CPNE4: variants seen among roughly 807,000 people sequenced by gnomAD.
CPNE4 encodes copine 4.
CPNE4 carries 25 observed loss-of-function variants against 67.9 expected under a neutral mutation model. The ratio of observed to expected loss-of-function variants is 0.37; its 90% CI spans 0.27 to 0.51. The LOEUF (loss-of-function observed/expected upper bound fraction) is 0.51, where lower values mean the gene tolerates loss of function less well. Among genes scored for constraint, CPNE4 ranks in the 20% least tolerant of loss-of-function variants. The pLI is 0.93. For synonymous variants in CPNE4, 242 were observed against 244.9 expected, an observed-to-expected ratio of 0.99 and a Z score of 0.11; for missense variants, 464 against 690.8, an observed-to-expected ratio of 0.67 and a Z score of 3.68.
chr3:131,537,087 C>T (rs1935189866), intron 15 of CPNE4, among the ~76,000 whole-genome samples: 2 of 151,924 alleles, frequency 1.3e-5, no homozygotes, highest in African/African-American at 2.4e-5. Context: ...CAGGGCTACA[C>T]ATGCAAAAAA....
chr3:131,715,783 T>C (rs2081669171), intron 3 of CPNE4, among the ~76,000 whole-genome samples: 2 of 152,152 alleles, frequency 1.3e-5, no homozygotes, highest in African/African-American at 4.8e-5. Context: ...AAAGAGAAAA[T>C]AAATGCATCA....
rs72370844 is a variant in CPNE4, at chr3:131,862,699, T to TTATA, written c.180+42561_180+42564dup. 6.9e-3 allele frequency among the ~76,000 whole-genome samples: 962 copies of TTATA among 138,436 alleles called. 4 individuals are homozygous for TTATA. Among genetic ancestry groups the TTATA allele is most frequent in the Middle Eastern group, 0.015 (4 of 260 alleles). The allele number at this position is 138,436 out of a possible 152,430, so 90.8% of individuals were successfully genotyped here. A position where few individuals can be genotyped will look rare whatever the true frequency, so the allele number is the denominator to read the frequency against. ...AGTCATGGCATTTTCTTTTAAGTTC[T>TTATA]TATATATATATATATATTTTTATTA... is the stretch of plus-strand genomic sequence containing the variant. On this transcript the variant is annotated intron_variant, in intron 2 of 15. Transcript: ENST00000429747.
intron 1 of CPNE4, among the ~76,000 whole-genome samples, chr3:131,949,506 A>G (rs1356441321): frequency 6.6e-6 from 1 of 152,242 alleles, no homozygotes; most frequent in Non-Finnish European, 1.5e-5. Context: ...GTATTTATCA[A>G]TAGCTAAGAT....
At chr3:132,037,277 A>C (rs996496430), upstream of CPNE4, among the ~76,000 whole-genome samples, 3 of 79,108 alleles carry the variant, frequency 3.8e-5, no homozygotes, top group Non-Finnish European at 7.6e-5. Context: ...AGTTGCCTGC[A>C]TGCCAGTGCG....
intron 11 of CPNE4, among the ~76,000 whole-genome samples, chr3:131,559,785 C>T (rs1936661335): frequency 6.6e-6 from 1 of 151,934 alleles, no homozygotes; most frequent in Admixed American, 6.6e-5. Flanking sequence ...AGAGCTTGCT[C>T]ATTTTTTACA....
intron 3 of CPNE4, among the ~76,000 whole-genome samples, chr3:131,705,230 C>T (rs1368715634): frequency 1.3e-5 from 2 of 152,132 alleles, no homozygotes; most frequent in African/African-American, 2.4e-5. Context: ...ATCCTTGCTA[C>T]TCACATTGTA....
At chr3:131,651,874 C>G (rs2079823198) in intron 7 of CPNE4, among the ~76,000 whole-genome samples, 1 of 152,088 alleles carries the variant, frequency 6.6e-6, no homozygotes, top group Non-Finnish European at 1.5e-5. Flanking sequence ...CTCTGGTTCT[C>G]AGTTTTTTTC....
At chr3:131,908,101 G>C (rs1259622145) in intron 1 of CPNE4, among the ~76,000 whole-genome samples, 1 of 152,118 alleles carries the variant, frequency 6.6e-6, no homozygotes, top group Non-Finnish European at 1.5e-5. Context: ...AAAACCTTTA[G>C]CTGGAGAACT....
intron 15 of CPNE4, chr3:131,537,686 G>A: frequency 4.5e-6 from 1 of 223,160 alleles, no homozygotes; most frequent in Non-Finnish European, 9.1e-6. Flanking sequence ...TCTGGACACA[G>A]TTGGCCCTAT....
At chr3:131,651,881 T>A (rs948405743) in intron 7 of CPNE4, among the ~76,000 whole-genome samples, 5 of 152,188 alleles carry the variant, frequency 3.3e-5, no homozygotes, top group African/African-American at 1.2e-4. Flanking sequence ...TCTCAGTTTT[T>A]TTCACTGGGA....
intron 1 of CPNE4, among the ~76,000 whole-genome samples, chr3:131,959,974 G>A (rs1230393355): frequency 1.3e-5 from 2 of 152,100 alleles, no homozygotes; most frequent in East Asian, 3.8e-4. Context: ...ATACTTCTAG[G>A]TGTTTCTAAA....
At chr3:131,801,414 A>ATGTGTG (rs1560344419) in intron 2 of CPNE4, among the ~76,000 whole-genome samples, 1 of 20,008 alleles carries the variant, frequency 5.0e-5, no homozygotes, top group African/African-American at 1.4e-4. Flanking sequence ...GTACATATAT[A>ATGTGTG]CGTGTGTGTG....
At chr3:131,669,562 G>C in intron 7 of CPNE4, 113 bp downstream of exon 7, 1 of 737,020 alleles carries the variant, frequency 1.4e-6, no homozygotes, top group Non-Finnish European at 2.3e-6. Context: ...AAGATGAGAG[G>C]GTTGGGTACA....
chr3:131,742,726 T>C (rs2082388244), intron 2 of CPNE4, among the ~76,000 whole-genome samples: 1 of 152,032 alleles, frequency 6.6e-6, no homozygotes. Flanking sequence ...TGACCAAAAA[T>C]CCTGTTTACT....
At position 131,613,257 on chromosome 3, in the gene CPNE4, T is replaced by G. The variant is rs559870791; in HGVS notation, c.682-25675A>C. On this transcript the variant is annotated intron_variant, in intron 7 of 15. Coordinates refer to ENST00000429747, the MANE Select transcript of CPNE4 (RefSeq NM_130808.3). ...CTCCTACTGACAACCTTAGTGAGCC[T>G]AAGTGAGATTACCATCTCATCTCTG... Among the ~76,000 whole-genome samples, 46 of 152,328 alleles carry G rather than the reference T, an allele frequency of 3.0e-4. 1 individual carries two copies. In the South Asian group the frequency reaches 9.5e-3, roughly 32 times the overall value.
chr3:131,659,542 GCATT>G lies in CPNE4; in HGVS notation c.681+10129_681+10132del, dbSNP rs201614878. Among the ~76,000 whole-genome samples, 42 of 152,282 alleles carry G rather than the reference GCATT, an allele frequency of 2.8e-4. No individual in the cohort carries two copies. The East Asian group carries it at 7.9e-3, about 29-fold the overall frequency. On this transcript the variant is annotated intron_variant, in intron 7 of 15. Coordinates refer to ENST00000429747, the MANE Select transcript of CPNE4 (RefSeq NM_130808.3). ...AGAGACCTCATCAGGGCACTGAATA[GCATT>G]CATCTGATACTTTTAGTTTTAGACT... is the stretch of plus-strand genomic sequence containing the variant.
chr3:131,996,655 G>A (rs1243489709), intron 1 of CPNE4, among the ~76,000 whole-genome samples: 1 of 151,840 alleles, frequency 6.6e-6, no homozygotes, highest in Admixed American at 6.6e-5. Context: ...GATGTGATTG[G>A]ATCAGATTCT....
intron 7 of CPNE4, among the ~76,000 whole-genome samples, chr3:131,656,053 CT>C (rs11360041): frequency 0.21 from 28,184 of 131,426 alleles, 2,242 homozygotes; most frequent in Middle Eastern, 0.28. Context: ...AATACTGTTT[CT>C]TTTTTTTTTT....
intron 7 of CPNE4, among the ~76,000 whole-genome samples, chr3:131,655,942 AT>A: frequency 6.6e-6 from 1 of 152,296 alleles, no homozygotes; most frequent in African/African-American, 2.4e-5. Context: ...AGGACCTGAC[AT>A]TTAGAAAATC....
Sources: gnomAD v4.1 joint callset for allele counts (sites outside exome capture counted in the v4.1 genomes callset) on GRCh38, gnomAD v4.1.1 for gene constraint, MANE v1.5 for transcripts, NCBI Gene and HGNC (gene_info 2026-07-23, HGNC 2026-07-21) for gene names.